Variants in POM121 observed in about 807,000 individuals in gnomAD.
The protein encoded by POM121 is POM121 transmembrane nucleoporin, also known as nuclear envelope pore membrane protein POM 121.
A neutral mutation model predicts 81.3 loss-of-function variants in POM121; 32 were observed. The ratio of observed to expected loss-of-function variants is 0.39; its 90% CI spans 0.30 to 0.53. The LOEUF (loss-of-function observed/expected upper bound fraction) is 0.53. Ranked by LOEUF, POM121 falls within the 20% of genes least tolerant of loss-of-function variation. The probability of loss-of-function intolerance (pLI) is 0.66; values close to 1 mark genes in which losing one functional copy is unlikely to be tolerated. For synonymous variants in POM121, 514 were observed against 694.2 expected (o/e 0.74, Z 4.08); for missense variants, 1,138 against 1,614.6 (o/e 0.70, Z 5.06).
At chr7:72,936,378 A>C (rs1279028235) in intron 5 of POM121, among the ~76,000 whole-genome samples, 1 of 151,192 alleles carries the variant, frequency 6.6e-6, no homozygotes. Flanking sequence ...TCTGTCTCCC[A>C]GCCATTCTCC....
In POM121 at chr7:72,925,446, C is replaced by T. The variant is rs1458989305; in HGVS notation, c.325C>T (p.Pro109Ser). 5 of 1,533,770 alleles carry T rather than the reference C, an allele frequency of 3.3e-6. No homozygotes were observed. The highest frequency in any genetic ancestry group is 1.4e-5 in the African/African-American group (1 of 72,954). The change falls in exon 1 of 13, where the codon CCT (proline) becomes TCT (serine). Residue 109 changes from proline to serine, a missense_variant. Coordinates refer to ENST00000434423, the MANE Select transcript of POM121 (RefSeq NM_001387691.1). ...ARHRRTLFASPLAKSTANGNL... is the reference protein window; with the variant it reads ...ARHRRTLFASSLAKSTANGNL... ...TCATCGGCGAACACTGTTCGCTTCG[C>T]CTCTGGCCAAGTCGACAGCCAACGG...
Position 72,925,691 on chromosome 7 carries a change from G to GA in POM121, c.571dup (p.Thr191AsnfsTer39). The GA allele has an allele frequency of 8.4e-6, 3 of 355,968 alleles. No homozygotes were observed. Among genetic ancestry groups the GA allele is most frequent in the Non-Finnish European group, 1.0e-5 (3 of 293,416 alleles). The allele number at this position is 355,968 out of a possible 1,614,324, so 22.1% of individuals were successfully genotyped here. On this transcript the variant is annotated frameshift_variant, in exon 1 of 13. Transcript: ENST00000434423. LOFTEE classifies it high-confidence loss of function. ...CGCGCTCCCCCCCGCCCTCCCCGCC[G>GA]ACCCATCGCGCTCACCACGTTTACC...
Position 72,925,758 on chromosome 7 carries a change from TC to T in POM121, c.641del (p.Pro214HisfsTer12). The T allele has an allele frequency of 7.9e-7, 1 of 1,263,234 alleles. No individual in the cohort carries two copies. The highest frequency in any genetic ancestry group is 2.0e-5 in the South Asian group (1 of 49,890). 78.3% of individuals were successfully genotyped at this position (1,263,234 alleles called of 1,614,324 possible). A position where few individuals can be genotyped will look rare whatever the true frequency, so the allele number is the denominator to read the frequency against. On this transcript the variant is annotated frameshift_variant, in exon 1 of 13. Transcript: ENST00000434423. LOFTEE classifies it high-confidence loss of function. ...TPLLRPSRRP[S>X]PRDCGTLPNR... ...TCTTCTCCGACCCTCCAGGAGGCCT[TC>T]CCCACGGTAAGATGCGCTGATTTTG... is the stretch of plus-strand genomic sequence containing the variant.
intron 3 of POM121, among the ~76,000 whole-genome samples, chr7:72,898,438 A>G (rs1226848489): frequency 6.6e-6 from 1 of 152,144 alleles, no homozygotes; most frequent in Admixed American, 6.6e-5. Context: ...TCCAAATGGA[A>G]ACATCAAGTA....
Position 72,942,132 on chromosome 7 carries a change from T to A in POM121, c.2139T>A (p.Pro713=). 6.2e-7 allele frequency: 1 copy of A among 1,608,718 alleles called. No individual in the cohort carries two copies. Among genetic ancestry groups the A allele is most frequent in the Non-Finnish European group, 8.5e-7 (1 of 1,179,736 alleles). ...TGTTTGGAACACAGAACACCTCACCTTCCAGCCCTGCCGCCCCTGCTGCAT... is the reference window on the plus strand; with the variant it reads ...TGTTTGGAACACAGAACACCTCACCATCCAGCCCTGCCGCCCCTGCTGCAT... ...SFLFGTQNTS[P]SSPAAPAASS... is the part of the protein sequence containing the mutation. Residue 713 remains proline, a synonymous_variant, in exon 11 of 13, where the codon CCT becomes CCA. Coordinates refer to ENST00000434423, the MANE Select transcript of POM121 (RefSeq NM_001387691.1).
At chr7:72,891,018 A>T in exon 3 of POM121, 1 of 881,060 alleles carries the variant, frequency 1.1e-6, no homozygotes. Flanking sequence ...TTAACAAGAT[A>T]TGATATCACC....
At chr7:72,938,171 G>A (rs1554499848) in intron 5 of POM121, among the ~76,000 whole-genome samples, 2 of 151,310 alleles carry the variant, frequency 1.3e-5, no homozygotes, top group Admixed American at 1.3e-4. Context: ...AATTAATACT[G>A]GCAGTTGACT....
At chr7:72,889,193 C>T (rs1554490499) in intron 1 of POM121, among the ~76,000 whole-genome samples, 1 of 152,222 alleles carries the variant, frequency 6.6e-6, no homozygotes, top group East Asian at 1.9e-4. Flanking sequence ...TTATTACTCT[C>T]TCTTGGTGAT....
At chr7:72,926,536 G>T in intron 2 of POM121, 59 bp downstream of exon 2, 1 of 1,605,030 alleles carries the variant, frequency 6.2e-7, no homozygotes, top group East Asian at 2.2e-5. Flanking sequence ...TTCTTCTCCA[G>T]TTGTTCCTAT....
chr7:72,921,568 C>T (rs1451177450), upstream of POM121, among the ~76,000 whole-genome samples: 6 of 152,192 alleles, frequency 3.9e-5, no homozygotes, highest in African/African-American at 1.4e-4. Context: ...TCACAAGTTT[C>T]CTTACACTTA....
At chr7:72,921,807 T>G (rs1794840413), upstream of POM121, among the ~76,000 whole-genome samples, 1 of 152,204 alleles carries the variant, frequency 6.6e-6, no homozygotes, top group Non-Finnish European at 1.5e-5. Flanking sequence ...TTATAGTATT[T>G]TATTATATGA....
intron 11 of POM121, among the ~76,000 whole-genome samples, chr7:72,945,078 G>T (rs6943251): frequency 6.6e-6 from 1 of 152,182 alleles, no homozygotes; most frequent in African/African-American, 2.4e-5. Flanking sequence ...CAAGCCCTGA[G>T]AGCAGCCATC....
chr7:72,900,963 C>CT (rs1197018089), intron 3 of POM121, among the ~76,000 whole-genome samples: 2 of 149,130 alleles, frequency 1.3e-5, no homozygotes, highest in East Asian at 3.9e-4. Flanking sequence ...CTAAAGTTTA[C>CT]TTTGGCTGCA....
At chr7:72,911,106 C>T (rs540159085) in intron 3 of POM121, among the ~76,000 whole-genome samples, 1 of 152,350 alleles carries the variant, frequency 6.6e-6, no homozygotes, top group African/African-American at 2.4e-5. Context: ...GCCTCAGCCT[C>T]CCTAGTAGCT....
downstream of POM121, chr7:72,949,609 C>G: frequency 3.0e-6 from 2 of 672,656 alleles, no homozygotes; most frequent in Non-Finnish European, 5.3e-6. Context: ...AATATTGAAA[C>G]AGCCTATATT....
downstream of POM121, chr7:72,950,189 C>T: frequency 3.7e-6 from 6 of 1,608,410 alleles, no homozygotes; most frequent in Non-Finnish European, 5.1e-6. Flanking sequence ...GCTCGTAAGT[C>T]ATCGAGGCTG....
At chr7:72,915,603 G>A (rs1479105917) in intron 4 of POM121, among the ~76,000 whole-genome samples, 1 of 152,136 alleles carries the variant, frequency 6.6e-6, no homozygotes, top group Non-Finnish European at 1.5e-5. Flanking sequence ...TTGAACTCCT[G>A]ACCTCAGGTG....
chr7:72,942,237 T>G lies in POM121; in HGVS notation c.2244T>G (p.Pro748=), dbSNP rs1554501356. The change falls in exon 11 of 13, where the codon CCT becomes CCG. Residue 748 remains proline (P), a synonymous_variant. Coordinates refer to ENST00000434423, the MANE Select transcript of POM121 (RefSeq NM_001387691.1). Reference sequence around the variant, plus strand: ...AGGAAGGCCCCACACCGCCTGGCCCTTCAGTCACAGCCACAGCGCCCTCCA... The same window carrying G: ...AGGAAGGCCCCACACCGCCTGGCCCGTCAGTCACAGCCACAGCGCCCTCCA... ...SEKEGPTPPG[P]SVTATAPSSS... 3 of 1,608,540 alleles carry G rather than the reference T, an allele frequency of 1.9e-6. No individual in the cohort carries two copies. Among genetic ancestry groups the G allele is most frequent in the Non-Finnish European group, 2.5e-6 (3 of 1,179,608 alleles).
upstream of POM121, among the ~76,000 whole-genome samples, chr7:72,920,345 C>CTTTT (rs781909518): frequency 1.2e-4 from 14 of 112,544 alleles, no homozygotes; most frequent in African/African-American, 1.7e-4. Flanking sequence ...GAGTAATGGT[C>CTTTT]TTTTTTTTTT....
Sources: gnomAD v4.1 joint callset for allele counts (sites outside exome capture counted in the v4.1 genomes callset) on GRCh38, gnomAD v4.1.1 for gene constraint, MANE v1.5 for transcripts, NCBI Gene and HGNC (gene_info 2026-07-23, HGNC 2026-07-21) for gene names.